ADAMTS6: variants seen among roughly 807,000 people sequenced by gnomAD.
The protein encoded by ADAMTS6 is A disintegrin and metalloproteinase with thrombospondin motifs 6.
A neutral mutation model predicts 144.3 loss-of-function variants in ADAMTS6; 23 were observed. That is an observed-to-expected ratio of 0.16 (90% CI 0.11 to 0.23). The LOEUF (loss-of-function observed/expected upper bound fraction) is 0.23. Among genes scored for constraint, ADAMTS6 ranks in the 10% least tolerant of loss-of-function variants. ADAMTS6 has a pLI of 1.00. For synonymous variants in ADAMTS6, 444 were observed against 457.5 expected (o/e 0.97, Z 0.38); for missense variants, 999 against 1,379.6 (o/e 0.72, Z 4.37).
At chr5:65,447,981 G>A (rs1301439922) in intron 7 of ADAMTS6, among the ~76,000 whole-genome samples, 2 of 150,730 alleles carry the variant, frequency 1.3e-5, no homozygotes, top group Non-Finnish European at 3.0e-5. Flanking sequence ...TTTAGAAAAT[G>A]GCCTAAAGCT....
chr5:65,469,731 G>T (rs1393657262), intron 3 of ADAMTS6, among the ~76,000 whole-genome samples: 1 of 152,162 alleles, frequency 6.6e-6, no homozygotes, highest in Non-Finnish European at 1.5e-5. Context: ...CCTCCATTGT[G>T]TAGTTCTTGA....
chr5:65,302,091 CCAAAAA>C (rs1344551845), intron 9 of ADAMTS6, among the ~76,000 whole-genome samples: 1 of 51,914 alleles, frequency 1.9e-5, no homozygotes, highest in East Asian at 4.4e-4. Flanking sequence ...GGCTCTGTCT[CCAAAAA>C]AAAAAAAAAA....
intron 14 of ADAMTS6, among the ~76,000 whole-genome samples, chr5:65,242,717 G>A (rs1363615950): frequency 6.6e-6 from 1 of 151,972 alleles, no homozygotes; most frequent in Non-Finnish European, 1.5e-5. Flanking sequence ...TTTAAATGAG[G>A]AATAAAGTAG....
In ADAMTS6 at chr5:65,291,385, C is replaced by T; in HGVS notation, c.1456G>A (p.Ala486Thr). The T allele has an allele frequency of 2.5e-6, 4 of 1,614,018 alleles. No individual in the cohort carries two copies. Among genetic ancestry groups the T allele is most frequent in the Non-Finnish European group, 3.4e-6 (4 of 1,179,926 alleles). ...TACTGGAAACGACATTGCTCATCAGCATCATACACCTGACCTGGGGCCACA... is the reference window on the plus strand; with the variant it reads ...TACTGGAAACGACATTGCTCATCAGTATCATACACCTGACCTGGGGCCACA... ...PAVAPGQVYD[A>T]DEQCRFQYGA... The change falls in exon 11 of 25, where the codon GCT becomes ACT. Residue 486 changes from alanine to threonine, a missense_variant. Coordinates refer to ENST00000381055, the MANE Select transcript of ADAMTS6 (RefSeq NM_197941.4).
intron 24 of ADAMTS6, among the ~76,000 whole-genome samples, chr5:65,159,849 G>C (rs893840995): frequency 6.6e-6 from 1 of 152,042 alleles, no homozygotes; most frequent in Non-Finnish European, 1.5e-5. Flanking sequence ...GGAATGGATG[G>C]GCAGATATAT....
intron 4 of ADAMTS6, among the ~76,000 whole-genome samples, chr5:65,459,304 T>C (rs1759471950): frequency 6.6e-6 from 1 of 152,234 alleles, no homozygotes; most frequent in Admixed American, 6.5e-5. Flanking sequence ...AATCTGATTA[T>C]GTTATTCTTC....
At chr5:65,476,652 A>G (rs1254204728) in intron 1 of ADAMTS6, among the ~76,000 whole-genome samples, 2 of 151,936 alleles carry the variant, frequency 1.3e-5, no homozygotes, top group Non-Finnish European at 2.9e-5. Context: ...CTTGTCGCCC[A>G]TGCTGGAGTG....
intron 7 of ADAMTS6, among the ~76,000 whole-genome samples, chr5:65,421,705 C>T (rs1449053596): frequency 6.6e-6 from 1 of 152,160 alleles, no homozygotes; most frequent in Non-Finnish European, 1.5e-5. Flanking sequence ...ACCAACTGCT[C>T]TTCAACAAAG....
At chr5:65,242,579 T>C (rs1411698054) in intron 14 of ADAMTS6, among the ~76,000 whole-genome samples, 1 of 152,138 alleles carries the variant, frequency 6.6e-6, no homozygotes, top group African/African-American at 2.4e-5. Flanking sequence ...CCAGTTGCCA[T>C]AGCTACTCCC....
intron 7 of ADAMTS6, among the ~76,000 whole-genome samples, chr5:65,427,918 A>G (rs1357202818): frequency 6.6e-6 from 1 of 152,124 alleles, no homozygotes; most frequent in Non-Finnish European, 1.5e-5. Flanking sequence ...CATAATCAAA[A>G]GTCTAATCAT....
rs546475103 is a variant in ADAMTS6, at chr5:65,291,263, A to C, written c.1512+66T>G. 7 of 1,531,290 alleles carry C rather than the reference A, an allele frequency of 4.6e-6. No individual in the cohort carries two copies. The South Asian group carries it at 9.1e-5, about 20-fold the overall frequency. The allele number at this position is 1,531,290 out of a possible 1,614,324, so 94.9% of individuals were successfully genotyped here. On this transcript the variant is annotated intron_variant, in intron 11 of 24. Transcript: ENST00000381055. ...GGGAACCGACATTCATCGTAATTCC[A>C]TCTTAACATCTGTGTCATGGAAGAA...
intron 11 of ADAMTS6, among the ~76,000 whole-genome samples, chr5:65,286,489 T>C (rs1347983679): frequency 6.6e-6 from 1 of 152,198 alleles, no homozygotes; most frequent in Non-Finnish European, 1.5e-5. Context: ...TGTGCTAACA[T>C]TTAAGTCTAT....
chr5:65,364,927 T>C (rs1750166747), intron 7 of ADAMTS6, among the ~76,000 whole-genome samples: 1 of 152,142 alleles, frequency 6.6e-6, no homozygotes, highest in Non-Finnish European at 1.5e-5. Flanking sequence ...CAGATCAACT[T>C]ACGAGGTTAT....
At chr5:65,284,561 A>G (rs917082438) in intron 11 of ADAMTS6, among the ~76,000 whole-genome samples, 5 of 151,176 alleles carry the variant, frequency 3.3e-5, no homozygotes, top group African/African-American at 7.3e-5. Context: ...TTATATCTAT[A>G]TTTACTCTCT....
chr5:65,475,047 A>T (rs556202714), intron 1 of ADAMTS6, among the ~76,000 whole-genome samples: 1 of 152,202 alleles, frequency 6.6e-6, no homozygotes, highest in African/African-American at 2.4e-5. Context: ...GATTAGAAAG[A>T]TTTTCATTCC....
At chr5:65,408,421 A>C (rs532103769) in intron 7 of ADAMTS6, among the ~76,000 whole-genome samples, 10 of 152,212 alleles carry the variant, frequency 6.6e-5, no homozygotes, top group Non-Finnish European at 1.2e-4. Context: ...CATAATGGTA[A>C]AGGGATCAAT....
chr5:65,216,779 A>AC (rs1756950149), intron 18 of ADAMTS6, among the ~76,000 whole-genome samples: 1 of 111,460 alleles, frequency 9.0e-6, no homozygotes, highest in Non-Finnish European at 1.9e-5. Flanking sequence ...CTCTTACAAG[A>AC]AATACACACA....
Position 65,161,036 on chromosome 5 carries a change from T to TTTTA in ADAMTS6, c.3245-9095_3245-9092dup, listed in dbSNP as rs1462002837. 3.4e-4 allele frequency among the ~76,000 whole-genome samples: 51 copies of TTTTA among 151,668 alleles called. 1 individual carries two copies. The highest frequency in any genetic ancestry group is 1.9e-4 in the African/African-American group (8 of 41,272). On this transcript the variant is annotated intron_variant, in intron 24 of 24. Coordinates refer to ENST00000381055, the MANE Select transcript of ADAMTS6 (RefSeq NM_197941.4). ...ACACTAGAACCTCTTCTCTCTCTCT[T>TTTTA]TTTATTTATTTATTTATTTTGAGAC...
chr5:65,226,159 C>T lies in ADAMTS6; in HGVS notation c.1994G>A (p.Arg665His), dbSNP rs1287447624. Residue 665 changes from arginine (R) to histidine (H), a missense_variant, in exon 16 of 25, where the codon CGT becomes CAT. By Grantham distance (29) the Arg-to-His change is conservative. Transcript: ENST00000381055. ...LAEGYNFYTE[R>H]APAVIDGTQC... ...GGTCCCATCGATCACCGCAGGAGCA[C>T]GTTCAGTGTAGAAATTATAACCTTC... 7.4e-6 allele frequency: 12 copies of T among 1,613,588 alleles called. No homozygotes were observed. Among genetic ancestry groups the T allele is most frequent in the East Asian group, 2.2e-5 (1 of 44,858 alleles).
Sources: allele counts gnomAD v4.1 joint callset (sites outside exome capture counted in the v4.1 genomes callset), GRCh38; gene constraint gnomAD v4.1.1; transcripts MANE v1.5; gene names NCBI Gene and HGNC (gene_info 2026-07-23, HGNC 2026-07-21).